CUX2: variants seen among roughly 807,000 people sequenced by gnomAD.
CUX2 encodes homeobox protein cut-like 2.
In CUX2, 40 loss-of-function variants were observed where a neutral mutation model predicts 144.8. The observed-to-expected ratio is 0.28, with a 90% confidence interval of 0.21 to 0.36. CUX2 has a LOEUF of 0.36. Ranked by LOEUF, CUX2 falls within the 10% of genes least tolerant of loss-of-function variation. The pLI, the probability that CUX2 is intolerant of heterozygous loss-of-function variation, is 1.00. For missense variants in CUX2, 1,615 were observed against 1,994.0 expected, an observed-to-expected ratio of 0.81 and a Z score of 3.62; for synonymous variants, 827 against 875.6, an observed-to-expected ratio of 0.94 and a Z score of 0.98.
intron 1 of CUX2, among the ~76,000 whole-genome samples, chr12:111,152,017 G>T (rs1877080255): frequency 6.6e-6 from 1 of 152,190 alleles, no homozygotes; most frequent in African/African-American, 2.4e-5. Flanking sequence ...CGGTGCGATG[G>T]CTCACACCTG....
chr12:111,081,558 C>T (rs1290475963), intron 1 of CUX2, among the ~76,000 whole-genome samples: 1 of 152,146 alleles, frequency 6.6e-6, no homozygotes. Flanking sequence ...CAGCCCCCAC[C>T]AAGACTCATG....
At chr12:111,075,098 C>A (rs924428078) in intron 1 of CUX2, among the ~76,000 whole-genome samples, 2 of 152,012 alleles carry the variant, frequency 1.3e-5, no homozygotes, top group Non-Finnish European at 2.9e-5. Flanking sequence ...CCCCACCCCC[C>A]ACCACCCAGC....
chr12:111,326,425 G>A (rs1887821093), intron 18 of CUX2, among the ~76,000 whole-genome samples: 1 of 129,152 alleles, frequency 7.7e-6, no homozygotes, highest in Non-Finnish European at 1.6e-5. Flanking sequence ...TGGGGGAGGG[G>A]TGGGTTTTGT....
chr12:111,191,820 GC>G (rs1444831262), intron 1 of CUX2, among the ~76,000 whole-genome samples: 1 of 152,154 alleles, frequency 6.6e-6, no homozygotes, highest in Non-Finnish European at 1.5e-5. Flanking sequence ...ATGCCCAGAG[GC>G]CAGTGTCACC....
At chr12:111,224,178 G>T (rs1361675865) in intron 3 of CUX2, among the ~76,000 whole-genome samples, 1 of 152,012 alleles carries the variant, frequency 6.6e-6, no homozygotes, top group African/African-American at 2.4e-5. Context: ...CCATTCCCCC[G>T]TCCTCCCTGC....
chr12:111,183,645 C>T (rs1249764483), intron 1 of CUX2, among the ~76,000 whole-genome samples: 2 of 152,212 alleles, frequency 1.3e-5, no homozygotes, highest in African/African-American at 4.8e-5. Context: ...GTGACTAAAC[C>T]TCTCTGGGCG....
At chr12:111,070,918 C>T (rs1871232366) in intron 1 of CUX2, among the ~76,000 whole-genome samples, 1 of 152,112 alleles carries the variant, frequency 6.6e-6, no homozygotes. Context: ...AAGATTCTTC[C>T]ATGTGTTTTC....
chr12:111,087,006 A>G (rs1872259863), intron 1 of CUX2, among the ~76,000 whole-genome samples: 1 of 152,226 alleles, frequency 6.6e-6, no homozygotes, highest in African/African-American at 2.4e-5. Flanking sequence ...TACTTTTTAT[A>G]GCCTATGAAA....
chr12:111,090,942 G>A (rs941733175), intron 1 of CUX2, among the ~76,000 whole-genome samples: 1 of 152,144 alleles, frequency 6.6e-6, no homozygotes, highest in African/African-American at 2.4e-5. Context: ...AGCCAGCATT[G>A]ATGGAGCACC....
intron 1 of CUX2, among the ~76,000 whole-genome samples, chr12:111,080,743 A>C (rs1014465184): frequency 7.2e-5 from 11 of 152,198 alleles, no homozygotes; most frequent in African/African-American, 2.2e-4. Flanking sequence ...TCTTCCTAGC[A>C]CCTAAAATGG....
chr12:111,131,442 C>T (rs1875473938), intron 1 of CUX2, among the ~76,000 whole-genome samples: 1 of 152,122 alleles, frequency 6.6e-6, no homozygotes, highest in African/African-American at 2.4e-5. Context: ...AATCTCATGT[C>T]CTCTCATTTC....
At chr12:111,138,901 G>A (rs887451895) in intron 1 of CUX2, among the ~76,000 whole-genome samples, 1 of 151,848 alleles carries the variant, frequency 6.6e-6, no homozygotes, top group Non-Finnish European at 1.5e-5. Flanking sequence ...CTGGACTCTC[G>A]CTGAGCCCAC....
At chr12:111,157,838 A>C (rs1877497180) in intron 1 of CUX2, among the ~76,000 whole-genome samples, 1 of 152,230 alleles carries the variant, frequency 6.6e-6, no homozygotes, top group Non-Finnish European at 1.5e-5. Context: ...CAACAGCTAC[A>C]GATATTCCAG....
intron 3 of CUX2, among the ~76,000 whole-genome samples, chr12:111,239,466 C>T (rs1255584898): frequency 6.6e-6 from 1 of 152,088 alleles, no homozygotes; most frequent in East Asian, 1.9e-4. Flanking sequence ...CACCTTGAGT[C>T]GGGTGTACGC....
intron 21 of CUX2, among the ~76,000 whole-genome samples, chr12:111,344,949 A>T (rs1041239609): frequency 6.6e-6 from 1 of 151,906 alleles, no homozygotes; most frequent in African/African-American, 2.4e-5. Flanking sequence ...TTTTTTGTTT[A>T]GTAGAGATGG....
Position 111,312,543 on chromosome 12 carries a change from ATACAAAAT to A in CUX2, c.2002+346_2002+353del, listed in dbSNP as rs11276812. On this transcript the variant is annotated intron_variant, in intron 16 of 21. Coordinates refer to ENST00000261726, the MANE Select transcript of CUX2 (RefSeq NM_015267.4). This position sits in a 1 kb window ranked among gnomAD's most constrained non-coding sequence, Gnocchi z 4.3. ...TGGTAAAACCCCATCTCTACTAAAA[ATACAAAAT>A]TACCTGGGCATGGTGATATGTGCCT... Among the ~76,000 whole-genome samples, 40,014 of 151,596 alleles carry A rather than the reference ATACAAAAT, an allele frequency of 0.26. 7,734 individuals are homozygous for A. The highest frequency in any genetic ancestry group is 0.74 in the East Asian group (3,740 of 5,066).
At chr12:111,134,612 C>CTGTGTGTGTG (rs1228524853) in intron 1 of CUX2, among the ~76,000 whole-genome samples, 2,377 of 143,596 alleles carry the variant, frequency 0.017, 53 homozygotes, top group African/African-American at 0.065. Flanking sequence ...CTCTCTCTCT[C>CTGTGTGTGTG]TCTCTCTCTG....
chr12:111,061,178 G>GCACACACACACA lies in CUX2; in HGVS notation c.63+26965_63+26976dup, dbSNP rs10525230. On this transcript the variant is annotated intron_variant, in intron 1 of 21. Coordinates refer to ENST00000261726, the MANE Select transcript of CUX2 (RefSeq NM_015267.4). The surrounding 1 kb of genome is among the most constrained non-coding windows in gnomAD (Gnocchi z 4.2). Reference sequence around the variant, plus strand: ...TGTCCCCAGATGTGTGCATGCATATGCACACACACACACACACACACACAC... The same window carrying GCACACACACACA: ...TGTCCCCAGATGTGTGCATGCATATGCACACACACACACACACACACACACACACACACACAC... Among the ~76,000 whole-genome samples, 128 of 143,726 alleles carry GCACACACACACA rather than the reference G, an allele frequency of 8.9e-4. 1 individual carries two copies. Among genetic ancestry groups the GCACACACACACA allele is most frequent in the African/African-American group, 2.1e-3 (81 of 39,342 alleles). 94.3% of individuals were successfully genotyped at this position (143,726 alleles called of 152,430 possible).
chr12:111,109,412 A>T (rs886210193), intron 1 of CUX2, among the ~76,000 whole-genome samples: 4 of 152,204 alleles, frequency 2.6e-5, no homozygotes, highest in Non-Finnish European at 4.4e-5. Context: ...GTGTAACAGA[A>T]GTGTCTTAAT....
Sources: allele counts gnomAD v4.1 joint callset (sites outside exome capture counted in the v4.1 genomes callset), GRCh38; gene constraint gnomAD v4.1.1; non-coding constraint Gnocchi (gnomAD v3.1); transcripts MANE v1.5; gene names NCBI Gene and HGNC (gene_info 2026-07-23, HGNC 2026-07-21).